MGAT4C: variants seen among roughly 807,000 people sequenced by gnomAD.
The protein encoded by MGAT4C is alpha-1,3-mannosyl-glycoprotein 4-beta-N-acetylglucosaminyltransferase C.
Under a neutral mutation model 40.1 loss-of-function variants are expected in MGAT4C, and 19 were observed. That is an observed-to-expected ratio of 0.47 (90% confidence interval 0.33 to 0.70). The LOEUF is 0.70. MGAT4C is among the 30% of genes least tolerant of loss of function. The pLI is 0.02. For missense variants in MGAT4C, 491 were observed against 563.2 expected, an observed-to-expected ratio of 0.87 and a Z score of 1.30; for synonymous variants, 181 against 187.1, an observed-to-expected ratio of 0.97 and a Z score of 0.27.
In MGAT4C at chr12:86,588,459, C is replaced by G. The variant is rs915467292; in HGVS notation, c.-229+138750G>C. 2.6e-5 allele frequency among the ~76,000 whole-genome samples: 4 copies of G among 152,102 alleles called. No homozygotes were observed. The East Asian group carries it at 7.8e-4, about 30-fold the overall frequency. On this transcript the variant is annotated intron_variant, in intron 2 of 7. Coordinates refer to the MGAT4C transcript ENST00000548651. ...ACTAACACACATTAATAATGGGAGACTTTAACACCCCACTGTCAACATTAG... is the reference window on the plus strand; with the variant it reads ...ACTAACACACATTAATAATGGGAGAGTTTAACACCCCACTGTCAACATTAG...
intron 2 of MGAT4C, among the ~76,000 whole-genome samples, chr12:86,522,022 T>C (rs578194312): frequency 1.3e-5 from 2 of 152,310 alleles, no homozygotes; most frequent in South Asian, 2.1e-4. Context: ...TGGGGTTTTC[T>C]AGACAAAGCA....
chr12:86,770,934 TGAG>T (rs1301685368), intron 1 of MGAT4C, among the ~76,000 whole-genome samples: 1 of 152,090 alleles, frequency 6.6e-6, no homozygotes, highest in Non-Finnish European at 1.5e-5. Flanking sequence ...ACTCATATGT[TGAG>T]TTCATAACTG....
At chr12:86,400,344 C>T (rs1956333951) in intron 3 of MGAT4C, among the ~76,000 whole-genome samples, 1 of 152,124 alleles carries the variant, frequency 6.6e-6, no homozygotes, top group Non-Finnish European at 1.5e-5. Flanking sequence ...AGGATTTTTA[C>T]TAAATAAAGA....
intron 2 of MGAT4C, among the ~76,000 whole-genome samples, chr12:86,459,616 T>G (rs1957563598): frequency 6.6e-6 from 1 of 151,616 alleles, no homozygotes; most frequent in African/African-American, 2.4e-5. Flanking sequence ...AATTATAAAT[T>G]ATTTATGATC....
intron 2 of MGAT4C, among the ~76,000 whole-genome samples, chr12:86,573,625 G>C (rs559259495): frequency 6.6e-6 from 1 of 152,066 alleles, no homozygotes; most frequent in East Asian, 1.9e-4. Flanking sequence ...CAACAATAAT[G>C]TGAACTTTCT....
intron 2 of MGAT4C, among the ~76,000 whole-genome samples, chr12:85,994,986 T>G (rs576232408): frequency 6.6e-6 from 1 of 152,358 alleles, no homozygotes; most frequent in African/African-American, 2.4e-5. Flanking sequence ...CATTTGCTAC[T>G]ACTGAAGGTG....
rs1412858575 is a variant in MGAT4C at position 85,977,619 on chromosome 12, T to TA, written c.*1669dup. The TA allele has an allele frequency of 6.6e-6, 1 of 151,518 alleles. No homozygotes were observed. Among genetic ancestry groups the TA allele is most frequent in the Non-Finnish European group, 1.5e-5 (1 of 67,582 alleles). 9.4% of individuals were successfully genotyped at this position (151,518 alleles called of 1,614,324 possible). A position where few individuals can be genotyped will look rare whatever the true frequency, so the allele number is the denominator to read the frequency against. ...AATGAAATAAAAAGTTTCCATTTTT[T>TA]ATCTGAGTTTCTCATTTATTTGCAG... On this transcript the variant is annotated 3_prime_UTR_variant, in exon 5 of 5. Transcript: ENST00000611864.
intron 4 of MGAT4C, among the ~76,000 whole-genome samples, chr12:86,328,176 A>G (rs57002922): frequency 0.096 from 14,598 of 152,176 alleles, 1,709 homozygotes; most frequent in East Asian, 0.29. Context: ...ACCATTAGTA[A>G]CATTAATATA....
intron 1 of MGAT4C, among the ~76,000 whole-genome samples, chr12:86,767,205 T>C (rs1294359145): frequency 2.0e-5 from 3 of 152,086 alleles, no homozygotes; most frequent in Non-Finnish European, 4.4e-5. Context: ...CCCACAGAAA[T>C]ACAAACTACC....
At chr12:86,830,064 G>A (rs2136235011) in intron 1 of MGAT4C, among the ~76,000 whole-genome samples, 1 of 151,602 alleles carries the variant, frequency 6.6e-6, no homozygotes, top group Admixed American at 6.6e-5. Flanking sequence ...TAAGAACAAT[G>A]CAAGTATATA....
At chr12:86,534,057 C>CA (rs1959030567) in intron 2 of MGAT4C, among the ~76,000 whole-genome samples, 1 of 152,038 alleles carries the variant, frequency 6.6e-6, no homozygotes, top group African/African-American at 2.4e-5. Context: ...AATGGCCTCA[C>CA]AAAGCTGTCA....
chr12:86,372,228 C>A (rs1247145678), intron 3 of MGAT4C, among the ~76,000 whole-genome samples: 2 of 151,730 alleles, frequency 1.3e-5, no homozygotes, highest in Non-Finnish European at 3.0e-5. Flanking sequence ...CACTCCAGGG[C>A]ACATTTTATT....
chr12:86,206,270 G>C (rs774832444), intron 1 of MGAT4C, among the ~76,000 whole-genome samples: 74 of 152,120 alleles, frequency 4.9e-4, no homozygotes, highest in Non-Finnish European at 9.0e-4. Flanking sequence ...AATAAGGACA[G>C]AGAATGTAAA....
At chr12:86,230,869 C>CA (rs34991680) in intron 1 of MGAT4C, among the ~76,000 whole-genome samples, 1 of 145,026 alleles carries the variant, frequency 6.9e-6, no homozygotes, top group Non-Finnish European at 1.5e-5. Flanking sequence ...CAAACACTCC[C>CA]TTTTTTTTTT....
intron 2 of MGAT4C, among the ~76,000 whole-genome samples, chr12:86,694,698 T>C (rs1043724802): frequency 2.0e-5 from 3 of 152,186 alleles, no homozygotes; most frequent in Non-Finnish European, 4.4e-5. Flanking sequence ...AAAGAAATTG[T>C]TGTATATAAG....
At chr12:86,496,470 A>G (rs74514625) in intron 2 of MGAT4C, among the ~76,000 whole-genome samples, 1,700 of 150,262 alleles carry the variant, frequency 0.011, 18 homozygotes, top group East Asian at 0.045. Flanking sequence ...CAATCTTTTT[A>G]GAGAAGGTAC....
At chr12:86,312,022 A>G (rs1269133671) in intron 4 of MGAT4C, among the ~76,000 whole-genome samples, 2 of 152,068 alleles carry the variant, frequency 1.3e-5, no homozygotes, top group Non-Finnish European at 2.9e-5. Context: ...AAAACACCAC[A>G]GCAATTCAAG....
rs574956461 is a variant in MGAT4C at position 86,180,459 on chromosome 12, C to G, written c.-57+75780G>C. ...GTGGTAGATACACAGACAGCTTGCACCGTGCACGTGGAAAAGCCTCAGACA... is the reference window on the plus strand; with the variant it reads ...GTGGTAGATACACAGACAGCTTGCAGCGTGCACGTGGAAAAGCCTCAGACA... On this transcript the variant is annotated intron_variant, in intron 1 of 4. Transcript: ENST00000611864. Among the ~76,000 whole-genome samples, 9 of 152,236 alleles carry G rather than the reference C, an allele frequency of 5.9e-5. No individual in the cohort carries two copies. The South Asian group carries it at 1.9e-3, about 32-fold the overall frequency.
chr12:86,676,164 G>C (rs1333474573), intron 2 of MGAT4C, among the ~76,000 whole-genome samples: 1 of 152,018 alleles, frequency 6.6e-6, no homozygotes, highest in African/African-American at 2.4e-5. Context: ...ATTGAGTTTT[G>C]TCCTGAAAAC....
Sources: allele counts gnomAD v4.1 joint callset (sites outside exome capture counted in the v4.1 genomes callset), GRCh38; gene constraint gnomAD v4.1.1; transcripts MANE v1.5; gene names NCBI Gene and HGNC (gene_info 2026-07-23, HGNC 2026-07-21).